The following LY75 variants were observed in gnomAD, a reference collection of about 807,000 sequenced individuals.
LY75 encodes the protein lymphocyte antigen 75.
In LY75, 185 loss-of-function variants were observed where a neutral mutation model predicts 231.7. The ratio of observed to expected loss-of-function variants is 0.80; its 90% CI spans 0.71 to 0.90. The LOEUF (loss-of-function observed/expected upper bound fraction) is 0.90. Ranked by LOEUF, LY75 falls within the 40% of genes least tolerant of loss-of-function variation. The probability of loss-of-function intolerance (pLI) is 0.00; values close to 1 mark genes in which losing one functional copy is unlikely to be tolerated. For missense variants in LY75, 1,947 were observed against 2,050.2 expected, an observed-to-expected ratio of 0.95 and a Z score of 0.97; for synonymous variants, 668 against 689.0, an observed-to-expected ratio of 0.97 and a Z score of 0.48.
intron 30 of LY75, 78 bp downstream of exon 30, chr2:159,816,728 G>A: frequency 6.4e-7 from 1 of 1,573,962 alleles, no homozygotes; most frequent in Admixed American, 1.8e-5. Flanking sequence ...TGTACTTTGT[G>A]TTAATACTTT....
chr2:159,870,333 C>T (rs1684973170), intron 13 of LY75, among the ~76,000 whole-genome samples: 1 of 152,048 alleles, frequency 6.6e-6, no homozygotes, highest in African/African-American at 2.4e-5. Flanking sequence ...TGATTGTAGT[C>T]CCAGCTACTT....
intron 3 of LY75, among the ~76,000 whole-genome samples, chr2:159,892,688 G>C (rs1685796504): frequency 6.6e-6 from 1 of 152,164 alleles, no homozygotes; most frequent in Non-Finnish European, 1.5e-5. Context: ...GTGATCCCCT[G>C]TAACTCTCAC....
rs530148997 is a variant in LY75 at position 159,867,712 on chromosome 2, A to G, written c.2118-2792T>C. ...TCTACAAAGCCTTAGATTTATGTCT[A>G]AATCCATTCTTGCCACATCACAGGG... On this transcript the variant is annotated intron_variant, in intron 13 of 34. Coordinates refer to ENST00000263636, the MANE Select transcript of LY75 (RefSeq NM_002349.4). Among the ~76,000 whole-genome samples, 38 of 152,300 alleles carry G rather than the reference A, an allele frequency of 2.5e-4. 1 individual carries two copies. The highest frequency in any genetic ancestry group is 8.4e-4 in the African/African-American group (35 of 41,576).
At chr2:159,853,888 C>T (rs1684474720) in intron 18 of LY75, among the ~76,000 whole-genome samples, 191 bp from the exon 19 acceptor site, 1 of 152,128 alleles carries the variant, frequency 6.6e-6, no homozygotes, top group Admixed American at 6.5e-5. Context: ...TTTACAGATC[C>T]TATTGTGGGT....
intron 23 of LY75, among the ~76,000 whole-genome samples, chr2:159,848,077 T>TAC (rs1170525085): frequency 2.8e-3 from 85 of 30,876 alleles, no homozygotes; most frequent in African/African-American, 0.011. Context: ...TGTATATATA[T>TAC]ATATATATAT....
chr2:159,872,340 T>C (rs1685039725), intron 13 of LY75, 111 bp downstream of exon 13: 1 of 1,410,916 alleles, frequency 7.1e-7, no homozygotes. Context: ...TTTTAGATAA[T>C]AAAACATGTC....
chr2:159,890,367 A>T lies in LY75; in HGVS notation c.648T>A (p.Cys216Ter). Residue 216 changes from cysteine to a stop codon, truncating the protein, a stop_gained, in exon 4 of 35, where the codon TGT (cysteine) becomes TGA (stop). Coordinates refer to ENST00000263636, the MANE Select transcript of LY75 (RefSeq NM_002349.4). LOFTEE classifies it high-confidence loss of function. Reference sequence around the variant, plus strand: ...GCTCGTTCTTTTCCCAATTATCTTCACAACCGTTTTCTGTTGATAAAGACA... The same window carrying T: ...GCTCGTTCTTTTCCCAATTATCTTCTCAACCGTTTTCTGTTGATAAAGACA... ...WGICLKPENG[C>*]EDNWEKNEQF... 1 of 1,613,042 alleles carries T rather than the reference A, an allele frequency of 6.2e-7. No homozygotes were observed. Among genetic ancestry groups the T allele is most frequent in the Non-Finnish European group, 8.5e-7 (1 of 1,179,528 alleles).
intron 7 of LY75, 151 bp downstream of exon 7, chr2:159,881,973 G>A (rs982519252): frequency 8.4e-5 from 80 of 955,442 alleles, no homozygotes; most frequent in Non-Finnish European, 1.1e-4. Flanking sequence ...TAGACCAATT[G>A]TAGAACAGTT....
chr2:159,805,936 G>T lies in LY75; in HGVS notation c.4991-714C>A, dbSNP rs181008793. Among the ~76,000 whole-genome samples the T allele has an allele frequency of 8.3e-4, 127 of 152,146 alleles. No individual in the cohort carries two copies. In the Middle Eastern group the frequency reaches 0.044, roughly 53 times the overall value. On this transcript the variant is annotated intron_variant, in intron 34 of 34. Transcript: ENST00000263636. ...CCAAAGCTCTGTATGTCTAGCACCTGCCTACCTTTCAGTTCTTCCCTGAGC... is the reference window on the plus strand; with the variant it reads ...CCAAAGCTCTGTATGTCTAGCACCTTCCTACCTTTCAGTTCTTCCCTGAGC...
chr2:159,869,204 C>T (rs144045316), intron 13 of LY75, among the ~76,000 whole-genome samples: 160 of 151,648 alleles, frequency 1.1e-3, no homozygotes, highest in African/African-American at 3.6e-3. Context: ...ATGTAAATGA[C>T]GAGCTAATGG....
In LY75 at chr2:159,853,683, T is replaced by A; in HGVS notation, c.2610A>T (p.Gly870=). 1 of 1,613,544 alleles carries A rather than the reference T, an allele frequency of 6.2e-7. No homozygotes were observed. The highest frequency in any genetic ancestry group is 8.5e-7 in the Non-Finnish European group (1 of 1,179,816). The stretch of plus-strand genomic sequence containing the variant: ...CGCTAATTCTTATCCACCACTTCTG[T>A]CCATCACCAGATATCTGAAAAACAA... The part of the protein sequence containing the change: ...KNKIANISGD[G]QKWWIRISEW... The change falls in exon 19 of 35, where the codon GGA becomes GGT. Residue 870 remains glycine (G), a synonymous_variant. Transcript: ENST00000263636.
chr2:159,853,204 A>T, intron 20 of LY75, 69 bp downstream of exon 20: 1 of 1,468,882 alleles, frequency 6.8e-7, no homozygotes, highest in Non-Finnish European at 9.3e-7. Flanking sequence ...AAACAAGATT[A>T]AGCTAGAAAC....
intron 9 of LY75, among the ~76,000 whole-genome samples, 168 bp from the exon 10 acceptor site, chr2:159,878,889 C>T (rs964580891): frequency 4.6e-5 from 7 of 152,138 alleles, no homozygotes; most frequent in African/African-American, 1.7e-4. Flanking sequence ...CACAGATAAC[C>T]TCCACAAGAC....
At chr2:159,871,826 T>C (rs2125867353) in intron 13 of LY75, 1 of 152,438 alleles carries the variant, frequency 6.6e-6, no homozygotes, top group East Asian at 1.9e-4. Flanking sequence ...CAGGTATATG[T>C]GAGTGTGTGT....
chr2:159,859,498 A>AT (rs1358179593), intron 15 of LY75, among the ~76,000 whole-genome samples: 1 of 151,910 alleles, frequency 6.6e-6, no homozygotes, highest in Non-Finnish European at 1.5e-5. Context: ...AAAAATATAC[A>AT]TTTTCCTTTC....
chr2:159,904,688 G>C lies in LY75; in HGVS notation c.-6C>G, dbSNP rs751633968. The stretch of plus-strand genomic sequence containing the variant: ...GTCGCCCAGCCTGTCCTCATCCTGA[G>C]CTGGCGCAAGCCTTCCGGCCGGGTC... On this transcript the variant is annotated 5_prime_UTR_variant, in exon 1 of 35. Coordinates refer to ENST00000263636, the MANE Select transcript of LY75 (RefSeq NM_002349.4). The C allele has an allele frequency of 3.5e-6, 5 of 1,428,714 alleles. No individual in the cohort carries two copies. The highest frequency in any genetic ancestry group is 4.6e-6 in the Non-Finnish European group (5 of 1,097,954). 88.5% of individuals were successfully genotyped at this position (1,428,714 alleles called of 1,614,324 possible). A position where few individuals can be genotyped will look rare whatever the true frequency, so the allele number is the denominator to read the frequency against.
chr2:159,840,853 T>C lies in LY75; in HGVS notation c.3383A>G (p.Lys1128Arg). ...IPKTLTWHSA[K>R]RECLKSNMQL... is the part of the protein sequence containing the mutation. ...CATGTTACTTTTCAGACACTCCCTT[T>C]TAGCACTGTGCCAAGTCAGAGTCTT... The change falls in exon 25 of 35, where the codon AAA (lysine) becomes AGA (arginine). Residue 1128 changes from lysine to arginine, a missense_variant. Coordinates refer to ENST00000263636, the MANE Select transcript of LY75 (RefSeq NM_002349.4). 6.2e-7 allele frequency: 1 copy of C among 1,614,110 alleles called. No homozygotes were observed. The highest frequency in any genetic ancestry group is 1.1e-5 in the South Asian group (1 of 91,084).
intron 22 of LY75, 67 bp from the exon 23 acceptor site, chr2:159,850,207 T>G (rs147952165): frequency 1.3e-6 from 2 of 1,526,460 alleles, no homozygotes; most frequent in Non-Finnish European, 1.8e-6. Context: ...AAAATGTCAA[T>G]GAATATATTT....
At chr2:159,856,748 T>A (rs2125857981) in intron 16 of LY75, among the ~76,000 whole-genome samples, 1 of 152,258 alleles carries the variant, frequency 6.6e-6, no homozygotes, top group East Asian at 1.9e-4. Context: ...TTGATTTATA[T>A]TTTTAAGTGG....
Sources: allele counts gnomAD v4.1 joint callset (sites outside exome capture counted in the v4.1 genomes callset), GRCh38; gene constraint gnomAD v4.1.1; transcripts MANE v1.5; gene names NCBI Gene and HGNC (gene_info 2026-07-23, HGNC 2026-07-21).